IL1RAPL1: variants seen among roughly 807,000 people sequenced by gnomAD.
IL1RAPL1 encodes the protein interleukin 1 receptor accessory protein like 1, also known as interleukin-1 receptor accessory protein-like 1.
Under a neutral mutation model 48.4 loss-of-function variants are expected in IL1RAPL1, and 3 were observed. The ratio of observed to expected loss-of-function variants is 0.06; its 90% CI spans 0.03 to 0.16. IL1RAPL1 has a LOEUF of 0.16. Among genes scored for constraint, IL1RAPL1 ranks in the 10% least tolerant of loss-of-function variants. IL1RAPL1 has a pLI of 1.00. For synonymous variants in IL1RAPL1, 185 were observed against 187.7 expected (o/e 0.99, Z 0.12); for missense variants, 349 against 530.6 (o/e 0.66, Z 3.36).
intron 1 of IL1RAPL1, among the ~76,000 whole-genome samples, chrX:28,737,989 T>A (rs1209089202): frequency 2.8e-5 from 3 of 105,879 alleles, no homozygotes; most frequent in African/African-American, 1.0e-4. Flanking sequence ...AAGGAAAGAG[T>A]CAGGGAGGGA....
intron 6 of IL1RAPL1, among the ~76,000 whole-genome samples, chrX:29,745,751 T>C (rs1462432425): frequency 9.0e-6 from 1 of 110,650 alleles, no homozygotes; most frequent in Non-Finnish European, 1.9e-5. Context: ...CCAGCCCTAT[T>C]CTTTAATTTT....
At chrX:29,624,665 T>C (rs1924563184) in intron 5 of IL1RAPL1, among the ~76,000 whole-genome samples, 1 of 107,429 alleles carries the variant, frequency 9.3e-6, no homozygotes, top group African/African-American at 3.5e-5. Context: ...GGAAACCCTG[T>C]TTTTTACAAA....
At chrX:29,352,139 G>T (rs1933238483) in intron 3 of IL1RAPL1, among the ~76,000 whole-genome samples, 1 of 111,974 alleles carries the variant, frequency 8.9e-6, no homozygotes, top group African/African-American at 3.2e-5. Flanking sequence ...TAACCTACTT[G>T]TTTTAAAATT....
intron 2 of IL1RAPL1, among the ~76,000 whole-genome samples, chrX:29,139,349 TA>T (rs11453981): frequency 0.067 from 7,031 of 105,384 alleles, 232 homozygotes; most frequent in African/African-American, 0.12. Flanking sequence ...TGGAAAAGGG[TA>T]AAAAAAAAAT....
At chrX:29,554,688 C>T (rs778455965) in intron 5 of IL1RAPL1, among the ~76,000 whole-genome samples, 26 of 111,433 alleles carry the variant, frequency 2.3e-4, no homozygotes, top group African/African-American at 8.1e-4. Flanking sequence ...CTAAAGCCCA[C>T]AATTTTTAGC....
intron 1 of IL1RAPL1, among the ~76,000 whole-genome samples, chrX:28,723,201 G>T (rs1166732409): frequency 1.8e-5 from 2 of 110,688 alleles, no homozygotes. Context: ...TGGTAGAATT[G>T]GGCTGTGAAT....
chrX:29,571,850 G>C (rs1382793943), intron 5 of IL1RAPL1, among the ~76,000 whole-genome samples: 1 of 111,356 alleles, frequency 9.0e-6, no homozygotes, highest in Non-Finnish European at 1.9e-5. Flanking sequence ...TCAGAATTGA[G>C]ACTCCCTGAA....
chrX:29,091,722 T>G (rs1312907716), intron 2 of IL1RAPL1, among the ~76,000 whole-genome samples: 1 of 111,260 alleles, frequency 9.0e-6, no homozygotes, highest in East Asian at 2.8e-4. Flanking sequence ...GTACACATAT[T>G]ATTTCAAATA....
chrX:29,870,971 A>G (rs6630973), intron 6 of IL1RAPL1, among the ~76,000 whole-genome samples: 187 of 112,609 alleles, frequency 1.7e-3, no homozygotes, highest in African/African-American at 5.8e-3. Context: ...GAAGTCTGAC[A>G]TGGGTCTTAC....
At chrX:29,096,782 C>T (rs1476401790) in intron 2 of IL1RAPL1, among the ~76,000 whole-genome samples, 4 of 109,868 alleles carry the variant, frequency 3.6e-5, no homozygotes, top group Non-Finnish European at 7.6e-5. Context: ...CTTTGAGGTC[C>T]AAAATGGCCT....
intron 2 of IL1RAPL1, among the ~76,000 whole-genome samples, chrX:29,186,485 T>G (rs1294110102): frequency 9.0e-6 from 1 of 111,312 alleles, no homozygotes; most frequent in Non-Finnish European, 1.9e-5. Flanking sequence ...TAAAAGACTT[T>G]TATTTGCAAC....
chrX:29,903,665 T>C (rs1010333787), intron 6 of IL1RAPL1, among the ~76,000 whole-genome samples: 1 of 111,956 alleles, frequency 8.9e-6, no homozygotes, highest in Non-Finnish European at 1.9e-5. Flanking sequence ...AATCTACTGG[T>C]TGAAGGGAAA....
intron 2 of IL1RAPL1, among the ~76,000 whole-genome samples, chrX:28,963,985 A>G (rs1924854823): frequency 9.0e-6 from 1 of 111,639 alleles, no homozygotes; most frequent in Admixed American, 9.6e-5. Context: ...TGCATAAATT[A>G]TACTCTATAT....
At chrX:28,868,239 G>A (rs937201366) in intron 2 of IL1RAPL1, among the ~76,000 whole-genome samples, 1 of 111,160 alleles carries the variant, frequency 9.0e-6, no homozygotes, top group Non-Finnish European at 1.9e-5. Flanking sequence ...GGCGTATCAA[G>A]TAGAGACAGA....
At chrX:29,328,531 G>A (rs1473187861) in intron 3 of IL1RAPL1, among the ~76,000 whole-genome samples, 1 of 109,707 alleles carries the variant, frequency 9.1e-6, no homozygotes, top group Non-Finnish European at 1.9e-5. Context: ...CCACTAATTG[G>A]AAAGAAAAGA....
chrX:28,731,308 G>T (rs1935752619), intron 1 of IL1RAPL1, among the ~76,000 whole-genome samples: 1 of 111,135 alleles, frequency 9.0e-6, no homozygotes, highest in African/African-American at 3.3e-5. Context: ...GTGTTGGTAG[G>T]CCTGGGTGTG....
chrX:28,931,820 G>A lies in IL1RAPL1; in HGVS notation c.82+142395G>A, dbSNP rs752695558. The stretch of plus-strand genomic sequence containing the variant: ...TGGGAGGCCGAGGCGGGTGGATCAC[G>A]AGGTCAGGAGATCGAGACCATCCTT... On this transcript the variant is annotated intron_variant, in intron 2 of 10. Transcript: ENST00000378993. Among the ~76,000 whole-genome samples, 178 of 110,099 alleles carry A rather than the reference G, an allele frequency of 1.6e-3. 1 individual carries two copies. Among genetic ancestry groups the A allele is most frequent in the African/African-American group, 5.3e-3 (161 of 30,341 alleles).
At chrX:29,418,125 A>ATTTTT (rs1186251989) in intron 5 of IL1RAPL1, among the ~76,000 whole-genome samples, 3 of 26,703 alleles carry the variant, frequency 1.1e-4, no homozygotes, top group Non-Finnish European at 1.2e-4. Flanking sequence ...ATATATATAT[A>ATTTTT]TTTTTTTTTT....
At chrX:29,624,879 T>C (rs753736859) in intron 5 of IL1RAPL1, among the ~76,000 whole-genome samples, 1 of 111,178 alleles carries the variant, frequency 9.0e-6, no homozygotes, top group South Asian at 3.8e-4. Context: ...GGTGAATTAA[T>C]TGACATCTAT....
Sources: allele counts gnomAD v4.1 joint callset (sites outside exome capture counted in the v4.1 genomes callset), GRCh38; gene constraint gnomAD v4.1.1; transcripts MANE v1.5; gene names NCBI Gene and HGNC (gene_info 2026-07-23, HGNC 2026-07-21).